SVEP1: variants seen among roughly 807,000 people sequenced by gnomAD.
SVEP1 encodes the protein sushi, von Willebrand factor type A, EGF and pentraxin domain-containing protein 1.
In SVEP1, 164 loss-of-function variants were observed where a neutral mutation model predicts 367.3. The ratio of observed to expected loss-of-function variants is 0.45; its 90% CI spans 0.39 to 0.51. The LOEUF (loss-of-function observed/expected upper bound fraction) is 0.51, where lower values mean the gene tolerates loss of function less well. Among genes scored for constraint, SVEP1 ranks in the 20% least tolerant of loss-of-function variants. The probability of loss-of-function intolerance (pLI) is 0.00; values close to 1 mark genes in which losing one functional copy is unlikely to be tolerated. For missense variants in SVEP1, 4,117 were observed against 4,425.3 expected, an observed-to-expected ratio of 0.93 and a Z score of 1.98; for synonymous variants, 1,666 against 1,611.6, an observed-to-expected ratio of 1.03 and a Z score of -0.81.
At chr9:110,510,573 T>G (rs1469337970) in intron 5 of SVEP1, among the ~76,000 whole-genome samples, 3 of 152,132 alleles carry the variant, frequency 2.0e-5, no homozygotes, top group Non-Finnish European at 4.4e-5. Context: ...GGGAACAGCT[T>G]CAAAGGGCCG....
rs79037604 is a variant in SVEP1 at position 110,404,694 on chromosome 9, G to A, written c.9441-142C>T. On this transcript the variant is annotated intron_variant, in intron 38 of 47. Coordinates refer to ENST00000374469, the MANE Select transcript of SVEP1 (RefSeq NM_153366.4). ...TTGTTGCACAATCAATATGTCAGGC[G>A]GATGGCATTGCCATGCAAAAACACC... 3.1e-5 allele frequency: 24 copies of A among 777,434 alleles called. 1 individual carries two copies. The highest frequency in any genetic ancestry group is 2.8e-4 in the Admixed American group (12 of 42,736). The allele number at this position is 777,434 out of a possible 1,614,324, so 48.2% of individuals were successfully genotyped here. A position where few individuals can be genotyped will look rare whatever the true frequency, so the allele number is the denominator to read the frequency against.
intron 40 of SVEP1, 49 bp downstream of exon 40, chr9:110,400,805 G>A (rs34048899): frequency 0.12 from 187,208 of 1,550,868 alleles, 11,932 homozygotes; most frequent in African/African-American, 0.14. Flanking sequence ...GTATCCCCAA[G>A]TATATTGGAA....
chr9:110,578,730 G>C (rs1412268808), intron 1 of SVEP1, among the ~76,000 whole-genome samples: 1 of 152,188 alleles, frequency 6.6e-6, no homozygotes, highest in African/African-American at 2.4e-5. Context: ...CTACAAACGT[G>C]AATGTGATTA....
chr9:110,383,531 G>GATAA (rs1827474408), intron 43 of SVEP1, among the ~76,000 whole-genome samples: 1 of 60,654 alleles, frequency 1.6e-5, no homozygotes, highest in African/African-American at 6.7e-5. Flanking sequence ...CCTGTTGTGG[G>GATAA]GGGGTCTCAT....
At chr9:110,472,441 C>T in intron 14 of SVEP1, 118 bp from the exon 15 acceptor site, 1 of 917,148 alleles carries the variant, frequency 1.1e-6, no homozygotes, top group Non-Finnish European at 1.6e-6. Flanking sequence ...ATGCCCATAA[C>T]ATACTGCATA....
chr9:110,542,172 T>C (rs1023605255), intron 3 of SVEP1, among the ~76,000 whole-genome samples: 1 of 152,132 alleles, frequency 6.6e-6, no homozygotes, highest in Non-Finnish European at 1.5e-5. Context: ...GTATATAAGA[T>C]GTTATTTTCA....
chr9:110,549,903 G>C lies in SVEP1; in HGVS notation c.733C>G (p.Leu245Val). ...ASTPKEEHCY[L>V]LHSFEEFEAL... Reference sequence around the variant, plus strand: ...TCAAATTCTTCAAAACTGTGTAGCAGGTAACAGTGCTCCTCCTTTGGGGTG... The same window carrying C: ...TCAAATTCTTCAAAACTGTGTAGCACGTAACAGTGCTCCTCCTTTGGGGTG... Residue 245 changes from leucine to valine, a missense_variant, in exon 2 of 48, where the codon CTG (leucine) becomes GTG (valine). By Grantham distance (32) the Leu-to-Val change is conservative (BLOSUM62 1). Transcript: ENST00000374469. The C allele has an allele frequency of 6.2e-7, 1 of 1,613,936 alleles. No individual in the cohort carries two copies. Among genetic ancestry groups the C allele is most frequent in the Non-Finnish European group, 8.5e-7 (1 of 1,179,858 alleles).
At position 110,411,484 on chromosome 9, in the gene SVEP1, G is replaced by A; in HGVS notation, c.6227C>T (p.Pro2076Leu). ...TTCACAGAAATGAGCTATACAACGG[G>A]GCATGTCTTGACCTTCTGGGGGTAC... ...KWVPPEGQDMPRCIAHFCEKP... is the reference protein window; with the variant it reads ...KWVPPEGQDMLRCIAHFCEKP... The change falls in exon 37 of 48, where the codon CCC (proline) becomes CTC (leucine). Residue 2076 changes from proline (P) to leucine (L), a missense_variant. This residue lies in a region of SVEP1 where 2,174 missense variants were observed against 2,494.3 expected (regional missense o/e 0.87). Coordinates refer to ENST00000374469, the MANE Select transcript of SVEP1 (RefSeq NM_153366.4). 1 of 1,614,042 alleles carries A rather than the reference G, an allele frequency of 6.2e-7. No homozygotes were observed. The highest frequency in any genetic ancestry group is 8.5e-7 in the Non-Finnish European group (1 of 1,179,900).
chr9:110,550,177 G>C (rs1462154601), intron 1 of SVEP1, 73 bp from the exon 2 acceptor site: 1 of 1,568,142 alleles, frequency 6.4e-7, no homozygotes, highest in Admixed American at 1.7e-5. Context: ...TCTTACGTAA[G>C]GCAGTACTTG....
At chr9:110,576,356 A>G (rs888932680) in intron 1 of SVEP1, among the ~76,000 whole-genome samples, 6 of 152,186 alleles carry the variant, frequency 3.9e-5, no homozygotes, top group African/African-American at 1.4e-4. Flanking sequence ...ATATGGTGGG[A>G]ATACAAAGTC....
rs761351493 is a variant in SVEP1, at chr9:110,377,309, G to A, written c.10466C>T (p.Ser3489Phe). Residue 3489 changes from serine to phenylalanine, a missense_variant, in exon 45 of 48, where the codon TCC becomes TTC. Transcript: ENST00000374469. The stretch of plus-strand genomic sequence containing the variant: ...GCGCCCCATCCAGCCCTCTGGACAG[G>A]AACAAGCATTTGGGCGTTGGCAGAT... ...GGICQRPNACSCPEGWMGRLC... is the reference protein window; with the variant it reads ...GGICQRPNACFCPEGWMGRLC... The A allele has an allele frequency of 3.7e-5, 60 of 1,613,710 alleles. No individual in the cohort carries two copies. In the South Asian group the frequency reaches 6.5e-4, roughly 17 times the overall value.
In SVEP1 at chr9:110,524,718, T is replaced by TATTATTATTATTATTATTAC. The variant is rs35477110; in HGVS notation, c.965-10613_965-10612insGTAATAATAATAATAATAAT. On this transcript the variant is annotated intron_variant, in intron 3 of 47. Coordinates refer to ENST00000374469, the MANE Select transcript of SVEP1 (RefSeq NM_153366.4). Reference sequence around the variant, plus strand: ...ATACAAATGTTATTATTATTATTACTTTTTTTTTTTTTAAGCAGGGTCTCA... The same window carrying TATTATTATTATTATTATTAC: ...ATACAAATGTTATTATTATTATTACTATTATTATTATTATTATTACTTTTTTTTTTTTAAGCAGGGTCTCA... 3.7e-3 allele frequency among the ~76,000 whole-genome samples: 538 copies of TATTATTATTATTATTATTAC among 143,776 alleles called. 1 individual carries two copies. Among genetic ancestry groups the TATTATTATTATTATTATTAC allele is most frequent in the African/African-American group, 0.013 (502 of 39,222 alleles). The allele number at this position is 143,776 out of a possible 152,430, so 94.3% of individuals were successfully genotyped here. A position where few individuals can be genotyped will look rare whatever the true frequency, so the allele number is the denominator to read the frequency against.
At chr9:110,440,885 G>A (rs1191655250) in intron 27 of SVEP1, among the ~76,000 whole-genome samples, 4 of 152,138 alleles carry the variant, frequency 2.6e-5, no homozygotes, top group African/African-American at 9.7e-5. Flanking sequence ...GCTAATCTAA[G>A]TGGTGAAGGC....
chr9:110,503,299 A>G (rs1415963334), intron 5 of SVEP1, 82 bp from the exon 6 acceptor site: 3 of 1,358,336 alleles, frequency 2.2e-6, no homozygotes, highest in South Asian at 2.9e-5. Context: ...ATGCCTGCAC[A>G]TTGCAAGCAA....
At chr9:110,384,356 T>TA (rs1827488406) in intron 43 of SVEP1, among the ~76,000 whole-genome samples, 1 of 151,976 alleles carries the variant, frequency 6.6e-6, no homozygotes, top group Non-Finnish European at 1.5e-5. Context: ...TTGCGCCAAC[T>TA]GCCTAGTCAG....
Position 110,379,362 on chromosome 9 carries a change from G to C in SVEP1, c.10393C>G (p.Pro3465Ala), listed in dbSNP as rs748401879. ...ATTTCCTTACCTCTGCAAATAGGAG[G>C]TGATGTCCATGTTCCATTTTCTAAA... ...VCLENGTWTS[P>A]PICRAVCRFP... Residue 3465 changes from proline to alanine, a missense_variant, in exon 44 of 48, where the codon CCT becomes GCT. Physicochemically the swap from Pro to Ala is conservative, Grantham distance 27 (BLOSUM62 -1). Coordinates refer to ENST00000374469, the MANE Select transcript of SVEP1 (RefSeq NM_153366.4). 49 of 1,613,484 alleles carry C rather than the reference G, an allele frequency of 3.0e-5. No individual in the cohort carries two copies. Among genetic ancestry groups the C allele is most frequent in the Non-Finnish European group, 4.0e-5 (47 of 1,179,706 alleles).
intron 42 of SVEP1, among the ~76,000 whole-genome samples, chr9:110,386,358 C>T (rs914679123): frequency 1.3e-5 from 2 of 152,134 alleles, no homozygotes; most frequent in Admixed American, 6.6e-5. Context: ...TTATGGGCCA[C>T]AACATTATTT....
chr9:110,509,851 A>C (rs1829681320), intron 5 of SVEP1, among the ~76,000 whole-genome samples: 1 of 152,232 alleles, frequency 6.6e-6, no homozygotes, highest in Non-Finnish European at 1.5e-5. Flanking sequence ...GCTCATAATG[A>C]ATTTGGTTTA....
rs184888656 is a variant in SVEP1 at position 110,398,025 on chromosome 9, C to G, written c.9822+2829G>C. ...TTCATATGGAACCAAAAAAGAGCTG[C>G]GTCACCAAGTCAATCCTAAGCCAAA... is the stretch of plus-strand genomic sequence containing the variant. On this transcript the variant is annotated intron_variant, in intron 40 of 47. Coordinates refer to ENST00000374469, the MANE Select transcript of SVEP1 (RefSeq NM_153366.4). Among the ~76,000 whole-genome samples, 46 of 136,650 alleles carry G rather than the reference C, an allele frequency of 3.4e-4. 7 individuals carry two copies. In the East Asian group the frequency reaches 8.9e-3, roughly 26 times the overall value. The allele number at this position is 136,650 out of a possible 152,430, so 89.6% of individuals were successfully genotyped here. A position where few individuals can be genotyped will look rare whatever the true frequency, so the allele number is the denominator to read the frequency against.
Sources: allele counts gnomAD v4.1 joint callset (sites outside exome capture counted in the v4.1 genomes callset), GRCh38; gene constraint gnomAD v4.1.1; regional missense constraint gnomAD v4.1.1; transcripts MANE v1.5; gene names NCBI Gene and HGNC (gene_info 2026-07-23, HGNC 2026-07-21).